PTPN9: variants seen among roughly 807,000 people sequenced by gnomAD.
The protein encoded by PTPN9 is protein tyrosine phosphatase non-receptor type 9.
Under a neutral mutation model 69.8 loss-of-function variants are expected in PTPN9, and 26 were observed. That is an observed-to-expected ratio of 0.37 (90% CI 0.27 to 0.52). The LOEUF is 0.52. PTPN9 is among the 20% of genes least tolerant of loss of function. The pLI, the probability that PTPN9 is intolerant of heterozygous loss-of-function variation, is 0.91. For missense variants in PTPN9, 549 were observed against 740.3 expected, an observed-to-expected ratio of 0.74 and a Z score of 3.00; for synonymous variants, 274 against 272.5, an observed-to-expected ratio of 1.01 and a Z score of -0.05.
chr15:75,536,486 T>G (rs2074982784), intron 1 of PTPN9, among the ~76,000 whole-genome samples: 1 of 152,142 alleles, frequency 6.6e-6, no homozygotes, highest in African/African-American at 2.4e-5. Context: ...AAAAAAAATT[T>G]TTTTAGGAGT....
At chr15:75,533,895 A>G (rs937738278) in intron 1 of PTPN9, among the ~76,000 whole-genome samples, 3 of 152,162 alleles carry the variant, frequency 2.0e-5, no homozygotes, top group Admixed American at 1.3e-4. Flanking sequence ...ATGTGCTGGC[A>G]CTCTCAGTTC....
At chr15:75,569,115 A>C (rs2075138205) in intron 1 of PTPN9, among the ~76,000 whole-genome samples, 1 of 152,162 alleles carries the variant, frequency 6.6e-6, no homozygotes, top group Admixed American at 6.6e-5. Context: ...TAGGAAAAAG[A>C]AAGTACGAGA....
chr15:75,499,064 G>C (rs575826784), intron 7 of PTPN9, among the ~76,000 whole-genome samples: 12 of 152,294 alleles, frequency 7.9e-5, no homozygotes, highest in African/African-American at 2.9e-4. Flanking sequence ...AACTGCAGGT[G>C]AATCTACAAT....
At chr15:75,485,071 C>G (rs139961208) in intron 8 of PTPN9, among the ~76,000 whole-genome samples, 1 of 152,212 alleles carries the variant, frequency 6.6e-6, no homozygotes, top group East Asian at 1.9e-4. Flanking sequence ...GATTACTGTC[C>G]TACCCTGACT....
intron 1 of PTPN9, among the ~76,000 whole-genome samples, chr15:75,561,310 C>T (rs1484855577): frequency 1.3e-5 from 2 of 149,460 alleles, no homozygotes; most frequent in Admixed American, 1.3e-4. Context: ...AACAAAACTC[C>T]ATCTCAAAAA....
At chr15:75,534,553 T>C (rs1251308480) in intron 1 of PTPN9, among the ~76,000 whole-genome samples, 2 of 151,378 alleles carry the variant, frequency 1.3e-5, no homozygotes, top group Non-Finnish European at 2.9e-5. Flanking sequence ...CACATGCCTG[T>C]GGTCCCAGCT....
At chr15:75,507,329 C>T (rs1348937258) in intron 6 of PTPN9, among the ~76,000 whole-genome samples, 1 of 151,896 alleles carries the variant, frequency 6.6e-6, no homozygotes, top group Non-Finnish European at 1.5e-5. Context: ...GCCTGTAATC[C>T]CAGCTACTTG....
Position 75,527,376 on chromosome 15 carries a change from C to T in PTPN9, c.64-115G>A. 6.9e-6 allele frequency: 8 copies of T among 1,162,560 alleles called. No individual in the cohort carries two copies. In the South Asian group the frequency reaches 1.2e-4, roughly 17 times the overall value. The allele number at this position is 1,162,560 out of a possible 1,614,324, so 72.0% of individuals were successfully genotyped here. ...TCCAAGCAAGTCTGAACCCAGTTTG[C>T]TACAGGGAGCAGGGAAAGACAAACA... is the stretch of plus-strand genomic sequence containing the variant. On this transcript the variant is annotated intron_variant, in intron 1 of 12. Coordinates refer to ENST00000618819, the MANE Select transcript of PTPN9 (RefSeq NM_002833.4).
chr15:75,477,941 A>G (rs2074605920), intron 9 of PTPN9, among the ~76,000 whole-genome samples: 1 of 150,832 alleles, frequency 6.6e-6, no homozygotes, highest in Admixed American at 6.6e-5. Flanking sequence ...CCCAGGTTCA[A>G]GCAATTCTCC....
intron 1 of PTPN9, among the ~76,000 whole-genome samples, chr15:75,541,935 G>T (rs568911559): frequency 6.6e-6 from 1 of 151,894 alleles, no homozygotes; most frequent in African/African-American, 2.4e-5. Context: ...CTACTCAGAG[G>T]CTGAGGCAGA....
chr15:75,492,030 G>C (rs533065145), intron 7 of PTPN9, among the ~76,000 whole-genome samples: 5 of 152,082 alleles, frequency 3.3e-5, no homozygotes, highest in African/African-American at 1.2e-4. Context: ...ACACCACCAC[G>C]CCCAGCTAAT....
chr15:75,539,424 C>T (rs2141329422), intron 1 of PTPN9, among the ~76,000 whole-genome samples: 1 of 151,486 alleles, frequency 6.6e-6, no homozygotes, highest in South Asian at 2.1e-4. Flanking sequence ...AGTGATTCTC[C>T]TGCCTCAGCC....
intron 1 of PTPN9, among the ~76,000 whole-genome samples, chr15:75,573,138 C>T (rs192885228): frequency 1.2e-4 from 18 of 152,220 alleles, no homozygotes; most frequent in African/African-American, 4.3e-4. Flanking sequence ...AGGCAGAAAA[C>T]CTAGACCTGG....
At chr15:75,491,717 A>C (rs1196311004) in intron 7 of PTPN9, among the ~76,000 whole-genome samples, 1 of 151,930 alleles carries the variant, frequency 6.6e-6, no homozygotes, top group African/African-American at 2.4e-5. Context: ...AACTGGTAGA[A>C]ATATGGGTGG....
At chr15:75,535,478 C>T (rs776213591) in intron 1 of PTPN9, among the ~76,000 whole-genome samples, 1 of 152,092 alleles carries the variant, frequency 6.6e-6, no homozygotes, top group Non-Finnish European at 1.5e-5. Context: ...CTTTTAACAG[C>T]GCAAACTATG....
intron 9 of PTPN9, among the ~76,000 whole-genome samples, chr15:75,476,092 C>T (rs1190592146): frequency 6.6e-6 from 1 of 152,102 alleles, no homozygotes; most frequent in Non-Finnish European, 1.5e-5. Flanking sequence ...TGCATTGAGC[C>T]ATGATCGTGA....
intron 7 of PTPN9, among the ~76,000 whole-genome samples, chr15:75,498,446 G>GGCTC (rs1265562984): frequency 2.0e-5 from 3 of 151,792 alleles, no homozygotes; most frequent in Admixed American, 6.6e-5. Context: ...TGGGCACGGT[G>GGCTC]GCTCACACCT....
chr15:75,547,021 C>T (rs895121947), intron 1 of PTPN9, among the ~76,000 whole-genome samples: 1 of 152,008 alleles, frequency 6.6e-6, no homozygotes, highest in Non-Finnish European at 1.5e-5. Context: ...CCAGGCCAGG[C>T]ACGGTGGCTC....
At chr15:75,499,740 A>G (rs943548305) in intron 7 of PTPN9, among the ~76,000 whole-genome samples, 9 of 152,008 alleles carry the variant, frequency 5.9e-5, no homozygotes. Flanking sequence ...GAGACTCCAT[A>G]GTAGAAATGA....
Sources: allele counts gnomAD v4.1 joint callset (sites outside exome capture counted in the v4.1 genomes callset), GRCh38; gene constraint gnomAD v4.1.1; transcripts MANE v1.5; gene names NCBI Gene and HGNC (gene_info 2026-07-23, HGNC 2026-07-21).